Variants in TYW1 observed in about 807,000 individuals in gnomAD.
TYW1 encodes the protein S-adenosyl-L-methionine-dependent tRNA 4-demethylwyosine synthase TYW1.
TYW1 carries 46 observed loss-of-function variants against 96.2 expected under a neutral mutation model. The ratio of observed to expected loss-of-function variants is 0.48; its 90% CI spans 0.38 to 0.61. The LOEUF is 0.61. TYW1 is among the 20% of genes least tolerant of loss of function. TYW1 has a pLI of 0.00. For missense variants in TYW1, 684 were observed against 909.6 expected, an observed-to-expected ratio of 0.75 and a Z score of 3.19; for synonymous variants, 274 against 323.0, an observed-to-expected ratio of 0.85 and a Z score of 1.63.
chr7:67,214,174 A>AT (rs946647150), intron 15 of TYW1, among the ~76,000 whole-genome samples: 19 of 152,000 alleles, frequency 1.3e-4, no homozygotes, highest in Admixed American at 6.6e-4. Context: ...AATATGCCTG[A>AT]TTTTTTTTAA....
At chr7:67,185,946 G>A (rs1298514999) in intron 14 of TYW1, among the ~76,000 whole-genome samples, 2 of 139,762 alleles carry the variant, frequency 1.4e-5, no homozygotes, top group Admixed American at 1.5e-4. Flanking sequence ...CTCTAGAGGG[G>A]TGGGGAGGTG....
chr7:67,233,587 A>G (rs1801802547), intron 15 of TYW1, among the ~76,000 whole-genome samples: 1 of 135,520 alleles, frequency 7.4e-6, no homozygotes, highest in African/African-American at 2.9e-5. Context: ...TTCTTCCCTT[A>G]CTGTTGGATT....
At chr7:67,231,572 C>T (rs1438350849) in intron 15 of TYW1, among the ~76,000 whole-genome samples, 1 of 152,222 alleles carries the variant, frequency 6.6e-6, no homozygotes, top group Non-Finnish European at 1.5e-5. Flanking sequence ...GAATTCTTGG[C>T]TGGAAACTAT....
intron 13 of TYW1, among the ~76,000 whole-genome samples, chr7:67,130,291 G>T (rs1798027652): frequency 6.6e-6 from 1 of 152,020 alleles, no homozygotes; most frequent in African/African-American, 2.4e-5. Flanking sequence ...TGAGGCAGGA[G>T]AATCACCTGA....
chr7:67,055,910 A>G (rs773018677), intron 9 of TYW1, 23 bp downstream of exon 9: 6 of 1,601,026 alleles, frequency 3.7e-6, no homozygotes, highest in South Asian at 3.3e-5. Context: ...TTTTTATTCA[A>G]TATGTCTATT....
chr7:67,094,098 A>G (rs1796809650), intron 11 of TYW1, among the ~76,000 whole-genome samples: 1 of 151,958 alleles, frequency 6.6e-6, no homozygotes. Context: ...AACGTGTGAT[A>G]TTTGATGTTC....
At chr7:67,121,269 C>T (rs189491241) in intron 13 of TYW1, among the ~76,000 whole-genome samples, 24 of 152,348 alleles carry the variant, frequency 1.6e-4, no homozygotes, top group South Asian at 1.2e-3. Context: ...GGCGCGGTGG[C>T]TCACGCCAGT....
rs548873963 is a variant in TYW1, at chr7:67,235,893, C to CAA, written c.1978-2399_1978-2398dup. ...TGGGAGACAGAGCGAGACTCTGTCT[C>CAA]AAAAAAAAAAAAAAAAAGAAAAAGA... is the stretch of plus-strand genomic sequence containing the variant. On this transcript the variant is annotated intron_variant, in intron 15 of 15. Coordinates refer to ENST00000359626, the MANE Select transcript of TYW1 (RefSeq NM_018264.4). Among the ~76,000 whole-genome samples the CAA allele has an allele frequency of 8.6e-4, 60 of 69,520 alleles. 2 individuals are homozygous for CAA. The highest frequency in any genetic ancestry group is 6.8e-4 in the African/African-American group (12 of 17,632). The allele number at this position is 69,520 out of a possible 152,430, so 45.6% of individuals were successfully genotyped here.
At chr7:67,235,442 C>T (rs998959246) in intron 15 of TYW1, among the ~76,000 whole-genome samples, 1 of 152,150 alleles carries the variant, frequency 6.6e-6, no homozygotes, top group Admixed American at 6.5e-5. Context: ...ACCCCAGGCT[C>T]AGTCAAGGGT....
chr7:67,193,988 TGTGGGTATTTGAAGAGCCCAC>T (rs1172377873), intron 14 of TYW1, among the ~76,000 whole-genome samples: 1 of 152,112 alleles, frequency 6.6e-6, no homozygotes, highest in African/African-American at 2.4e-5. Flanking sequence ...AAGTTTGATT[TGTGGGTATTTGAAGAGCCCAC>T]AGAGTTAAGA....
chr7:67,110,744 C>T (rs1377231840), intron 12 of TYW1, among the ~76,000 whole-genome samples: 1 of 152,150 alleles, frequency 6.6e-6, no homozygotes, highest in Non-Finnish European at 1.5e-5. Context: ...TGGCTCATGT[C>T]TGTCATTGCT....
At chr7:67,085,934 T>C (rs1796536181) in intron 11 of TYW1, among the ~76,000 whole-genome samples, 1 of 151,512 alleles carries the variant, frequency 6.6e-6, no homozygotes, top group South Asian at 2.1e-4. Context: ...CACACTCCAC[T>C]GGACTCCAGC....
intron 7 of TYW1, among the ~76,000 whole-genome samples, chr7:67,042,918 A>G (rs989580067): frequency 1.3e-5 from 2 of 151,916 alleles, no homozygotes; most frequent in African/African-American, 4.8e-5. Context: ...AATCGCTTGA[A>G]CCTGAGAGAT....
intron 13 of TYW1, among the ~76,000 whole-genome samples, chr7:67,155,377 C>T (rs73140561): frequency 0.063 from 9,590 of 152,158 alleles, 418 homozygotes; most frequent in South Asian, 0.11. Flanking sequence ...CTTTCTCCTC[C>T]TTCGCTCTTG....
chr7:67,017,727 A>G, intron 5 of TYW1, 126 bp from the exon 6 acceptor site: 3 of 1,342,406 alleles, frequency 2.2e-6, no homozygotes, highest in Non-Finnish European at 3.0e-6. Context: ...TTTGCCAGCA[A>G]TTTCCTCTTC....
intron 2 of TYW1, among the ~76,000 whole-genome samples, 158 bp downstream of exon 2, chr7:66,998,353 A>G (rs1010585513): frequency 6.6e-6 from 1 of 152,210 alleles, no homozygotes; most frequent in African/African-American, 2.4e-5. Flanking sequence ...TTTGGAGACT[A>G]AGTTATCTTG....
intron 13 of TYW1, among the ~76,000 whole-genome samples, chr7:67,177,147 T>C (rs1428432008): frequency 6.6e-6 from 1 of 152,204 alleles, no homozygotes; most frequent in African/African-American, 2.4e-5. Context: ...TTCTATCATA[T>C]TTATTACAGT....
At chr7:67,227,480 C>T (rs1801601227) in intron 15 of TYW1, among the ~76,000 whole-genome samples, 1 of 152,174 alleles carries the variant, frequency 6.6e-6, no homozygotes, top group African/African-American at 2.4e-5. Flanking sequence ...TGGTCTCAAA[C>T]TCCTGACCTC....
At chr7:67,108,932 C>T (rs1031587722) in intron 12 of TYW1, among the ~76,000 whole-genome samples, 2 of 152,194 alleles carry the variant, frequency 1.3e-5, no homozygotes, top group African/African-American at 2.4e-5. Flanking sequence ...AAGCAACACA[C>T]TTCTTATTTA....
Sources: gnomAD v4.1 joint callset for allele counts (sites outside exome capture counted in the v4.1 genomes callset) on GRCh38, gnomAD v4.1.1 for gene constraint, MANE v1.5 for transcripts, NCBI Gene and HGNC (gene_info 2026-07-23, HGNC 2026-07-21) for gene names.